BFSP1: variants seen among roughly 807,000 people sequenced by gnomAD.
The protein encoded by BFSP1 is filensin.
BFSP1 carries 38 observed loss-of-function variants against 43.9 expected under a neutral mutation model. The observed-to-expected ratio is 0.87, with a 90% confidence interval of 0.67 to 1.14. The LOEUF (loss-of-function observed/expected upper bound fraction) is 1.14, where lower values mean the gene tolerates loss of function less well. Among genes scored for constraint, BFSP1 ranks in the 50% most tolerant of loss-of-function variants. BFSP1 has a pLI of 0.00. For synonymous variants in BFSP1, 352 were observed against 354.8 expected (o/e 0.99, Z 0.09); for missense variants, 850 against 875.1 (o/e 0.97, Z 0.36).
At position 17,495,922 on chromosome 20, in the gene BFSP1, G is replaced by T. The variant is rs151330380; in HGVS notation, c.1043-893C>A. Among the ~76,000 whole-genome samples, 410 of 152,252 alleles carry T rather than the reference G, an allele frequency of 2.7e-3. 4 individuals are homozygous for T. Among genetic ancestry groups the T allele is most frequent in the African/African-American group, 8.5e-3 (353 of 41,528 alleles). On this transcript the variant is annotated intron_variant, in intron 7 of 7. Coordinates refer to ENST00000377873, the MANE Select transcript of BFSP1 (RefSeq NM_001195.5). ...AATAAAAAGAGAGCCAGGTGAGCCG[G>T]CAACAGCAGACATGGGTCACAAAGC...
rs188969084 is a variant in BFSP1 at position 17,556,621 on chromosome 20, T to G, written c.2+2067A>C. On this transcript the variant is annotated intron_variant, in intron 1 of 7. Coordinates refer to the BFSP1 transcript ENST00000377868. ...AAGCAAAACCTGGAAGGACAGACTT[T>G]GTTCTGCACATTTTAAACCAGTAGT... 7.2e-5 allele frequency among the ~76,000 whole-genome samples: 11 copies of G among 152,274 alleles called. No homozygotes were observed. The East Asian group carries it at 2.1e-3, about 29-fold the overall frequency.
intron 1 of BFSP1, among the ~76,000 whole-genome samples, chr20:17,567,143 G>A (rs970666322): frequency 3.9e-5 from 6 of 152,162 alleles, no homozygotes; most frequent in African/African-American, 1.4e-4. Flanking sequence ...GAGGAGGAAT[G>A]TCAATGTCTA....
intron 1 of BFSP1, among the ~76,000 whole-genome samples, chr20:17,546,134 A>G (rs1360614117): frequency 2.0e-5 from 3 of 152,182 alleles, no homozygotes; most frequent in Non-Finnish European, 4.4e-5. Context: ...TTTATAAAGG[A>G]AAGAGGCTTA....
rs763291516 is a variant in BFSP1 at position 17,508,966 on chromosome 20, C to T, written c.658G>A (p.Ala220Thr). Residue 220 changes from alanine to threonine, a missense_variant, in exon 5 of 8, where the codon GCC becomes ACC. By Grantham distance (58) the Ala-to-Thr change is moderately conservative (BLOSUM62 0). Coordinates refer to ENST00000377873, the MANE Select transcript of BFSP1 (RefSeq NM_001195.5). Reference protein sequence around the residue: ...EKLLTEREVAALRSQLEEGRE... With the variant: ...EKLLTEREVATLRSQLEEGRE... Reference sequence around the variant, plus strand: ...CCCTCCTCCAGCTGACTCCGCAGGGCGGCCACCTCCCGCTCCGTCAGGAGC... The same window carrying T: ...CCCTCCTCCAGCTGACTCCGCAGGGTGGCCACCTCCCGCTCCGTCAGGAGC... The T allele has an allele frequency of 2.2e-5, 35 of 1,600,270 alleles. 1 individual carries two copies. The highest frequency in any genetic ancestry group is 1.8e-4 in the South Asian group (16 of 88,100).
intron 7 of BFSP1, 88 bp from the exon 8 acceptor site, chr20:17,495,117 C>G (rs537394879): frequency 8.0e-7 from 1 of 1,242,520 alleles, no homozygotes; most frequent in Non-Finnish European, 1.1e-6. Context: ...CTAACTCTCT[C>G]GGAAACAAAC....
At chr20:17,567,276 T>C (rs2035130201) in intron 1 of BFSP1, among the ~76,000 whole-genome samples, 1 of 152,196 alleles carries the variant, frequency 6.6e-6, no homozygotes, top group South Asian at 2.1e-4. Flanking sequence ...CTTCAGATAC[T>C]GGTTCACTTA....
chr20:17,562,002 C>T (rs1358137185), upstream of BFSP1, among the ~76,000 whole-genome samples: 1 of 151,938 alleles, frequency 6.6e-6, no homozygotes, highest in Non-Finnish European at 1.5e-5. Context: ...CTCACTGCAA[C>T]CTCTGCCTCC....
chr20:17,557,664 T>C (rs566412615), intron 1 of BFSP1, among the ~76,000 whole-genome samples: 1 of 152,364 alleles, frequency 6.6e-6, no homozygotes, highest in East Asian at 1.9e-4. Flanking sequence ...TTTGCTGTTT[T>C]ATTTGAAGCA....
At chr20:17,552,453 G>C (rs569632406) in intron 1 of BFSP1, among the ~76,000 whole-genome samples, 1 of 152,284 alleles carries the variant, frequency 6.6e-6, no homozygotes, top group African/African-American at 2.4e-5. Context: ...ATAAGGATTT[G>C]GCTTCACTGT....
chr20:17,508,827 G>A (rs1418569460), intron 5 of BFSP1, 62 bp downstream of exon 5: 14 of 1,400,938 alleles, frequency 1.0e-5, no homozygotes, highest in East Asian at 5.2e-5. Flanking sequence ...GTGTGCCTGC[G>A]CGTAACACCT....
Position 17,498,036 on chromosome 20 carries a change from T to C in BFSP1, c.956+784A>G, listed in dbSNP as rs2033697277. On this transcript the variant is annotated intron_variant, in intron 6 of 7. Transcript: ENST00000377873. ...CACTGGAGAAAGAAAAATAAAATCC[T>C]GCTTCTCCTGCCAAGCATTCGAGTG... is the stretch of plus-strand genomic sequence containing the variant. Among the ~76,000 whole-genome samples the C allele has an allele frequency of 2.0e-5, 3 of 152,300 alleles. No homozygotes were observed. In the South Asian group the frequency reaches 6.2e-4, roughly 32 times the overall value.
At position 17,498,442 on chromosome 20, in the gene BFSP1, G is replaced by A. The variant is rs146216411; in HGVS notation, c.956+378C>T. Among the ~76,000 whole-genome samples, 1,198 of 152,292 alleles carry A rather than the reference G, an allele frequency of 7.9e-3. 13 individuals carry two copies. The highest frequency in any genetic ancestry group is 0.026 in the African/African-American group (1,082 of 41,558). On this transcript the variant is annotated intron_variant, in intron 6 of 7. Transcript: ENST00000377873. ...CCTCAAGTGCCAGGCTCCGTGCCAC[G>A]TAGCTCACCTGCAGCACCTCATTAA...
At chr20:17,551,012 G>T (rs1427817219) in intron 1 of BFSP1, among the ~76,000 whole-genome samples, 1 of 152,190 alleles carries the variant, frequency 6.6e-6, no homozygotes, top group African/African-American at 2.4e-5. Flanking sequence ...ATGACATGCA[G>T]TCCAGAGGTA....
At position 17,494,778 on chromosome 20, in the gene BFSP1, G is replaced by A. The variant is rs756360756; in HGVS notation, c.1294C>T (p.Pro432Ser). 4.3e-6 allele frequency: 7 copies of A among 1,613,952 alleles called. No homozygotes were observed. The highest frequency in any genetic ancestry group is 8.5e-7 in the Non-Finnish European group (1 of 1,180,034). Reference sequence around the variant, plus strand: ...CCTTTGCTTATCTGCCCTCCATCTGGCACATCCTCTGGAGCCCCTTCTTGT... The same window carrying A: ...CCTTTGCTTATCTGCCCTCCATCTGACACATCCTCTGGAGCCCCTTCTTGT... ...LTQEGAPEDVPDGGQISKGFG... is the reference protein window; with the variant it reads ...LTQEGAPEDVSDGGQISKGFG... Residue 432 changes from proline to serine, a missense_variant, in exon 8 of 8, where the codon CCA becomes TCA. Pro to Ser is a moderately conservative substitution (Grantham distance 74). Coordinates refer to ENST00000377873, the MANE Select transcript of BFSP1 (RefSeq NM_001195.5).
At chr20:17,504,829 A>G (rs1600639959) in intron 5 of BFSP1, among the ~76,000 whole-genome samples, 1 of 151,946 alleles carries the variant, frequency 6.6e-6, no homozygotes, top group Non-Finnish European at 1.5e-5. Flanking sequence ...CACAGGCAGG[A>G]GCCTGACGCG....
At chr20:17,549,772 G>T (rs1298684685) in intron 1 of BFSP1, among the ~76,000 whole-genome samples, 2 of 152,192 alleles carry the variant, frequency 1.3e-5, no homozygotes, top group Non-Finnish European at 2.9e-5. Flanking sequence ...GGGGGCAGAA[G>T]TTGCAGTAAG....
chr20:17,536,204 G>C (rs973397131), upstream of BFSP1, among the ~76,000 whole-genome samples: 1 of 152,190 alleles, frequency 6.6e-6, no homozygotes, highest in Admixed American at 6.5e-5. Flanking sequence ...AAAAATATCA[G>C]AAATTAGTGA....
intron 4 of BFSP1, among the ~76,000 whole-genome samples, chr20:17,510,450 T>C (rs1201436492): frequency 6.6e-6 from 1 of 152,168 alleles, no homozygotes; most frequent in Non-Finnish European, 1.5e-5. Context: ...AAAAGTTTTT[T>C]TAGGCCTTTG....
rs114227186 is a variant in BFSP1 at position 17,502,878 on chromosome 20, A to G, written c.736-3838T>C. ...ACTCCAGGAAACACTTTCAAGGAAT[A>G]TGGGGATTGAAAAGACCCCTTTGAG... On this transcript the variant is annotated intron_variant, in intron 5 of 7. Coordinates refer to ENST00000377873, the MANE Select transcript of BFSP1 (RefSeq NM_001195.5). Among the ~76,000 whole-genome samples the G allele has an allele frequency of 5.3e-3, 805 of 152,260 alleles. 8 individuals are homozygous for G. The highest frequency in any genetic ancestry group is 0.019 in the African/African-American group (772 of 41,552).
Sources: allele counts gnomAD v4.1 joint callset (sites outside exome capture counted in the v4.1 genomes callset), GRCh38; gene constraint gnomAD v4.1.1; transcripts MANE v1.5; gene names NCBI Gene and HGNC (gene_info 2026-07-23, HGNC 2026-07-21).